BANP: variants seen among roughly 807,000 people sequenced by gnomAD.
BANP encodes the protein protein BANP.
BANP carries 11 observed loss-of-function variants against 68.1 expected under a neutral mutation model. The ratio of observed to expected loss-of-function variants is 0.16; its 90% confidence interval spans 0.10 to 0.27. The LOEUF (loss-of-function observed/expected upper bound fraction) is 0.27, where lower values mean the gene tolerates loss of function less well. Ranked by LOEUF, BANP falls within the 10% of genes least tolerant of loss-of-function variation. The pLI is 1.00. For synonymous variants in BANP, 329 were observed against 303.2 expected, an observed-to-expected ratio of 1.09 and a Z score of -0.88; for missense variants, 504 against 722.7, an observed-to-expected ratio of 0.70 and a Z score of 3.47.
chr16:88,043,808 A>C (rs991493279), intron 11 of BANP, among the ~76,000 whole-genome samples: 3 of 152,158 alleles, frequency 2.0e-5, no homozygotes, highest in Non-Finnish European at 4.4e-5. Context: ...TGTCTAAGGA[A>C]TTTCAATTTT....
intron 6 of BANP, among the ~76,000 whole-genome samples, chr16:88,011,930 C>T (rs1421110849): frequency 1.3e-5 from 2 of 152,128 alleles, no homozygotes; most frequent in Admixed American, 1.3e-4. Flanking sequence ...TATGTGATAT[C>T]GTAGACATCT....
intron 6 of BANP, among the ~76,000 whole-genome samples, chr16:88,015,199 T>C (rs1418770394): frequency 7.9e-6 from 1 of 126,834 alleles, no homozygotes; most frequent in African/African-American, 2.9e-5. Flanking sequence ...CCGTGCTCCT[T>C]CTGCCCATCC....
At chr16:88,030,435 A>C (rs1444236279) in intron 8 of BANP, among the ~76,000 whole-genome samples, 1 of 152,210 alleles carries the variant, frequency 6.6e-6, no homozygotes, top group Non-Finnish European at 1.5e-5. Flanking sequence ...CTTGCCTTCC[A>C]TGTGTTTCGG....
chr16:88,066,697 C>G (rs778539346), intron 12 of BANP, among the ~76,000 whole-genome samples: 5 of 152,216 alleles, frequency 3.3e-5, no homozygotes, highest in Non-Finnish European at 7.4e-5. Flanking sequence ...TTGATAGATT[C>G]TTGAAAAACT....
chr16:87,983,166 G>A (rs1360412006), intron 3 of BANP, among the ~76,000 whole-genome samples: 3 of 152,346 alleles, frequency 2.0e-5, no homozygotes, highest in South Asian at 2.1e-4. Context: ...CGAATTCTGT[G>A]CTGTTTTCAG....
chr16:87,974,156 C>A (rs2061611449), intron 1 of BANP, among the ~76,000 whole-genome samples: 2 of 152,210 alleles, frequency 1.3e-5, no homozygotes, highest in African/African-American at 4.8e-5. Flanking sequence ...AAAGTATAAT[C>A]TGATAAAAAC....
chr16:88,043,795 T>A (rs760466751), intron 11 of BANP, among the ~76,000 whole-genome samples: 1 of 152,248 alleles, frequency 6.6e-6, no homozygotes, highest in South Asian at 2.1e-4. Flanking sequence ...TAAAATAATT[T>A]ATTGTCTAAG....
chr16:87,956,600 G>A (rs1167112095), intron 1 of BANP: 2 of 152,248 alleles, frequency 1.3e-5, no homozygotes, highest in Admixed American at 1.3e-4. Context: ...AGCCCCTGCA[G>A]GAGAAGAATG....
intron 11 of BANP, among the ~76,000 whole-genome samples, chr16:88,054,610 C>T (rs753090598): frequency 6.6e-6 from 1 of 152,222 alleles, no homozygotes; most frequent in Non-Finnish European, 1.5e-5. Context: ...AGCACCAGCA[C>T]CGTCAAGGGG....
chr16:88,073,284 C>T (rs1448191025), intron 13 of BANP, among the ~76,000 whole-genome samples: 1 of 152,266 alleles, frequency 6.6e-6, no homozygotes, highest in Non-Finnish European at 1.5e-5. Context: ...CACGTCTTCA[C>T]AGCGGGGCAG....
At chr16:87,954,659 G>A (rs1198168255) in intron 1 of BANP, among the ~76,000 whole-genome samples, 1 of 152,244 alleles carries the variant, frequency 6.6e-6, no homozygotes, top group African/African-American at 2.4e-5. Context: ...CGACTTGGCA[G>A]GTGCGGGTTT....
chr16:88,016,138 G>C (rs2074500410), intron 6 of BANP, among the ~76,000 whole-genome samples: 1 of 152,208 alleles, frequency 6.6e-6, no homozygotes, highest in Non-Finnish European at 1.5e-5. Flanking sequence ...CACAGGGAAG[G>C]ATTCAGCCCC....
intron 11 of BANP, among the ~76,000 whole-genome samples, chr16:88,046,345 A>G (rs1171744527): frequency 6.6e-6 from 1 of 152,210 alleles, no homozygotes; most frequent in African/African-American, 2.4e-5. Context: ...GGAACCTTTT[A>G]AAGCAGGTCA....
intron 2 of BANP, among the ~76,000 whole-genome samples, chr16:87,977,347 A>G (rs928830230): frequency 2.0e-5 from 3 of 151,550 alleles, no homozygotes; most frequent in African/African-American, 7.3e-5. Flanking sequence ...TGAACCCGGG[A>G]GGCGGAGCTT....
intron 7 of BANP, among the ~76,000 whole-genome samples, chr16:88,025,627 C>T (rs1270705194): frequency 1.3e-5 from 2 of 152,178 alleles, no homozygotes; most frequent in Admixed American, 6.5e-5. Flanking sequence ...AGATTCTAAA[C>T]GTGTCTCAAG....
intron 13 of BANP, among the ~76,000 whole-genome samples, chr16:88,075,750 T>TG (rs1363525811): frequency 6.7e-6 from 1 of 148,178 alleles, no homozygotes; most frequent in East Asian, 2.0e-4. Context: ...CCTTTACTTT[T>TG]TTTTTTTTTT....
chr16:88,043,285 G>A (rs1156495735), intron 11 of BANP, among the ~76,000 whole-genome samples: 2 of 152,226 alleles, frequency 1.3e-5, no homozygotes, highest in East Asian at 1.9e-4. Context: ...GGTGAGCTGC[G>A]TAGAGCTGAG....
At chr16:87,966,152 G>A (rs79790101) in intron 1 of BANP, among the ~76,000 whole-genome samples, 4,199 of 152,302 alleles carry the variant, frequency 0.028, 195 homozygotes, top group African/African-American at 0.096. Flanking sequence ...AATTAAATCA[G>A]TCTCATCCAT....
chr16:88,044,260 A>C (rs1466838868), intron 11 of BANP, among the ~76,000 whole-genome samples: 1 of 152,212 alleles, frequency 6.6e-6, no homozygotes, highest in South Asian at 2.1e-4. Context: ...GCAGCTTTCC[A>C]TCGTGGTTCT....
Sources: gnomAD v4.1 joint callset for allele counts (sites outside exome capture counted in the v4.1 genomes callset) on GRCh38, gnomAD v4.1.1 for gene constraint, MANE v1.5 for transcripts, NCBI Gene and HGNC (gene_info 2026-07-23, HGNC 2026-07-21) for gene names.